The following EIF2B3 variants were observed in gnomAD, a reference collection of about 807,000 sequenced individuals.
EIF2B3 encodes the protein translation initiation factor eIF2B subunit gamma.
In EIF2B3, 20 loss-of-function variants were observed where a neutral mutation model predicts 54.1. The observed-to-expected ratio is 0.37, with a 90% CI of 0.26 to 0.54. The LOEUF (loss-of-function observed/expected upper bound fraction) is 0.54, where lower values mean the gene tolerates loss of function less well. EIF2B3 is among the 20% of genes least tolerant of loss of function. EIF2B3 has a pLI of 0.86. For synonymous variants in EIF2B3, 153 were observed against 188.1 expected (o/e 0.81, Z 1.52); for missense variants, 448 against 547.8 (o/e 0.82, Z 1.82).
chr1:44,959,843 T>C (rs1644266179), intron 3 of EIF2B3, among the ~76,000 whole-genome samples: 1 of 152,254 alleles, frequency 6.6e-6, no homozygotes, highest in Non-Finnish European at 1.5e-5. Flanking sequence ...GTTTCAACTC[T>C]GGGCTGTTTC....
chr1:44,975,370 G>A (rs575006331), intron 3 of EIF2B3, among the ~76,000 whole-genome samples: 4 of 152,168 alleles, frequency 2.6e-5, no homozygotes, highest in South Asian at 2.1e-4. Flanking sequence ...AGGTGATTTC[G>A]TTGTGCGAAC....
chr1:44,875,548 G>T (rs1655093296), intron 9 of EIF2B3, 70 bp downstream of exon 9: 2 of 1,473,998 alleles, frequency 1.4e-6, no homozygotes, highest in African/African-American at 2.8e-5. Context: ...CCTCAATCCG[G>T]CTTCTCAAAA....
intron 3 of EIF2B3, among the ~76,000 whole-genome samples, chr1:44,977,156 CACA>C (rs1443795159): frequency 1.3e-5 from 2 of 152,152 alleles, no homozygotes; most frequent in East Asian, 1.9e-4. Context: ...ATGGCAACAT[CACA>C]ACGATTGAAT....
chr1:44,982,772 T>C (rs1644528464), intron 1 of EIF2B3, among the ~76,000 whole-genome samples: 1 of 151,734 alleles, frequency 6.6e-6, no homozygotes, highest in Non-Finnish European at 1.5e-5. Context: ...GGCTTTTTTT[T>C]TTTTTTTGAG....
chr1:44,918,936 T>C (rs1255319056), intron 5 of EIF2B3, among the ~76,000 whole-genome samples: 1 of 152,194 alleles, frequency 6.6e-6, no homozygotes, highest in East Asian at 1.9e-4. Flanking sequence ...AAAAGGACGA[T>C]TTCACTCTTT....
chr1:44,903,583 G>C (rs140097145), intron 5 of EIF2B3, among the ~76,000 whole-genome samples: 1 of 152,356 alleles, frequency 6.6e-6, no homozygotes, highest in East Asian at 1.9e-4. Context: ...GAAAAGAGCT[G>C]ACAGGCAAAG....
rs545680194 is a variant in EIF2B3 at position 44,850,690 on chromosome 1, A to C, written c.*261T>G. On this transcript the variant is annotated 3_prime_UTR_variant, in exon 12 of 12. Coordinates refer to ENST00000360403, the MANE Select transcript of EIF2B3 (RefSeq NM_020365.5). Reference sequence around the variant, plus strand: ...TGGACAGCTGCTGCCCCACCGATACATCTTGGCACACAAGAGTTAGGCCAC... The same window carrying C: ...TGGACAGCTGCTGCCCCACCGATACCTCTTGGCACACAAGAGTTAGGCCAC... 1 of 547,032 alleles carries C rather than the reference A, an allele frequency of 1.8e-6. No individual in the cohort carries two copies. Among genetic ancestry groups the C allele is most frequent in the African/African-American group, 1.9e-5 (1 of 52,790 alleles). 33.9% of individuals were successfully genotyped at this position (547,032 alleles called of 1,614,324 possible).
At chr1:44,947,630 G>T (rs1243228800) in intron 3 of EIF2B3, among the ~76,000 whole-genome samples, 1 of 151,972 alleles carries the variant, frequency 6.6e-6, no homozygotes, top group South Asian at 2.1e-4. Flanking sequence ...CAAGGAGAAA[G>T]AAAAACACAT....
intron 6 of EIF2B3, among the ~76,000 whole-genome samples, chr1:44,894,858 T>C (rs921181883): frequency 6.6e-6 from 1 of 152,120 alleles, no homozygotes. Flanking sequence ...GTAAGACTAT[T>C]CTGTTTAAAG....
chr1:44,853,992 GTGTTTTTTTTTTT>G (rs933840340), intron 11 of EIF2B3, among the ~76,000 whole-genome samples: 21 of 142,200 alleles, frequency 1.5e-4, no homozygotes, highest in African/African-American at 2.3e-4. Context: ...TTAGCAGTTA[GTGTTTTTTTTTTT>G]TGTTTTTTTT....
At chr1:44,943,972 C>T (rs1644068033) in intron 3 of EIF2B3, among the ~76,000 whole-genome samples, 1 of 151,918 alleles carries the variant, frequency 6.6e-6, no homozygotes, top group Non-Finnish European at 1.5e-5. Flanking sequence ...CAGTGAAACC[C>T]TATCTCTACT....
intron 1 of EIF2B3, among the ~76,000 whole-genome samples, chr1:44,984,106 G>A (rs537814906): frequency 3.3e-5 from 5 of 152,130 alleles, no homozygotes; most frequent in African/African-American, 9.7e-5. Context: ...AGGAACCCGG[G>A]AGGCAGCAGC....
At chr1:44,918,070 GC>G (rs1468776095) in intron 5 of EIF2B3, among the ~76,000 whole-genome samples, 5 of 133,522 alleles carry the variant, frequency 3.7e-5, no homozygotes, top group Non-Finnish European at 7.9e-5. Context: ...ACTGTGCCCA[GC>G]CTTTTTTTTT....
At chr1:44,884,579 G>A (rs958433185) in intron 6 of EIF2B3, among the ~76,000 whole-genome samples, 28 of 152,210 alleles carry the variant, frequency 1.8e-4, no homozygotes, top group African/African-American at 6.8e-4. Flanking sequence ...TTTTTCTCCT[G>A]ATCCTTTGAT....
chr1:44,888,026 T>C (rs777674844), intron 6 of EIF2B3, among the ~76,000 whole-genome samples: 2 of 152,210 alleles, frequency 1.3e-5, no homozygotes, highest in Non-Finnish European at 2.9e-5. Flanking sequence ...ATTGGCTGAC[T>C]TTGGATACGT....
At chr1:44,854,617 C>T (rs200391039) in intron 11 of EIF2B3, among the ~76,000 whole-genome samples, 3 of 138,642 alleles carry the variant, frequency 2.2e-5, no homozygotes, top group East Asian at 4.3e-4. Context: ...GATGGAGTTT[C>T]GCTCTTGTTG....
At chr1:44,947,904 CCTAT>C (rs1644120480) in intron 3 of EIF2B3, among the ~76,000 whole-genome samples, 1 of 151,866 alleles carries the variant, frequency 6.6e-6, no homozygotes, top group Non-Finnish European at 1.5e-5. Context: ...AAGGGGTCTC[CCTAT>C]ATTGCCCAGG....
chr1:44,855,651 G>C (rs1454496520), intron 11 of EIF2B3, among the ~76,000 whole-genome samples: 1 of 151,892 alleles, frequency 6.6e-6, no homozygotes, highest in Non-Finnish European at 1.5e-5. Flanking sequence ...CCGCCTCCTG[G>C]GTTCCAGCAA....
chr1:44,957,021 G>A (rs1381873767), intron 3 of EIF2B3, among the ~76,000 whole-genome samples: 1 of 152,110 alleles, frequency 6.6e-6, no homozygotes, highest in Non-Finnish European at 1.5e-5. Context: ...CCAGCATTTT[G>A]AGAGACCAAG....
Sources: allele counts gnomAD v4.1 joint callset (sites outside exome capture counted in the v4.1 genomes callset), GRCh38; gene constraint gnomAD v4.1.1; transcripts MANE v1.5; gene names NCBI Gene and HGNC (gene_info 2026-07-23, HGNC 2026-07-21).